The following ENTHD1 variants were observed in gnomAD, a reference collection of about 807,000 sequenced individuals.
ENTHD1 encodes the protein ENTH domain-containing protein 1.
ENTHD1 carries 23 observed loss-of-function variants against 39.1 expected under a neutral mutation model. The observed-to-expected ratio is 0.59, with a 90% CI of 0.42 to 0.83. ENTHD1 has a LOEUF of 0.83. ENTHD1 is among the 40% of genes least tolerant of loss of function. ENTHD1 has a pLI of 0.00. For synonymous variants in ENTHD1, 230 were observed against 258.2 expected (o/e 0.89, Z 1.05); for missense variants, 624 against 705.4 (o/e 0.88, Z 1.31).
At chr22:39,887,370 C>T in intron 2 of ENTHD1, 30 bp downstream of exon 2, 1 of 1,558,824 alleles carries the variant, frequency 6.4e-7, no homozygotes, top group Non-Finnish European at 8.7e-7. Flanking sequence ...ACCACCACAC[C>T]CAGCTTATAT....
intron 6 of ENTHD1, 88 bp from the exon 7 acceptor site, chr22:39,744,371 C>T: frequency 1.6e-6 from 2 of 1,231,932 alleles, no homozygotes; most frequent in Non-Finnish European, 2.2e-6. Flanking sequence ...AAAAGCCTAT[C>T]TGGAAGGGCT....
chr22:39,807,196 C>G (rs2065648977), intron 5 of ENTHD1, among the ~76,000 whole-genome samples: 2 of 152,094 alleles, frequency 1.3e-5, no homozygotes. Flanking sequence ...CCTTTCTTTA[C>G]AATGCATTCA....
intron 5 of ENTHD1, among the ~76,000 whole-genome samples, chr22:39,790,093 G>T (rs1324340681): frequency 6.6e-6 from 1 of 152,164 alleles, no homozygotes; most frequent in Non-Finnish European, 1.5e-5. Flanking sequence ...AGAAGGAGAA[G>T]GGGTGGGAGA....
At chr22:39,879,339 TGTA>T (rs1057489674) in intron 2 of ENTHD1, among the ~76,000 whole-genome samples, 29 of 151,336 alleles carry the variant, frequency 1.9e-4, no homozygotes, top group African/African-American at 7.0e-4. Context: ...GGTGGGTACC[TGTA>T]GTCCCAGCTA....
At chr22:39,766,612 C>T (rs912959702) in intron 5 of ENTHD1, among the ~76,000 whole-genome samples, 7 of 152,104 alleles carry the variant, frequency 4.6e-5, no homozygotes, top group Admixed American at 6.6e-5. Flanking sequence ...CAAAAGAGGA[C>T]GCAGAAATTG....
At chr22:39,845,140 G>A (rs553920790) in intron 3 of ENTHD1, among the ~76,000 whole-genome samples, 70 of 151,296 alleles carry the variant, frequency 4.6e-4, no homozygotes, top group African/African-American at 1.6e-3. Context: ...CAGATATGGC[G>A]GGAAGAGTCA....
At chr22:39,778,151 T>G (rs934521924) in intron 5 of ENTHD1, among the ~76,000 whole-genome samples, 3 of 152,184 alleles carry the variant, frequency 2.0e-5, no homozygotes, top group African/African-American at 7.2e-5. Flanking sequence ...AAACTCTATT[T>G]AGTCATGGTT....
intron 5 of ENTHD1, among the ~76,000 whole-genome samples, chr22:39,776,952 AGTG>A (rs1443091786): frequency 6.6e-6 from 1 of 152,196 alleles, no homozygotes; most frequent in African/African-American, 2.4e-5. Flanking sequence ...GAATCTTAGT[AGTG>A]GGGTTATATT....
At chr22:39,839,816 A>G (rs1239320955) in intron 3 of ENTHD1, among the ~76,000 whole-genome samples, 1 of 152,240 alleles carries the variant, frequency 6.6e-6, no homozygotes, top group African/African-American at 2.4e-5. Context: ...CAGATGGTCA[A>G]TTTTGAAGTA....
chr22:39,799,922 C>T (rs1249007407), intron 5 of ENTHD1, among the ~76,000 whole-genome samples: 1 of 152,160 alleles, frequency 6.6e-6, no homozygotes, highest in Non-Finnish European at 1.5e-5. Context: ...GATGCAGGGG[C>T]TGTTAGGTCC....
intron 1 of ENTHD1, among the ~76,000 whole-genome samples, chr22:39,888,238 A>T (rs1324822694): frequency 6.6e-6 from 1 of 150,692 alleles, no homozygotes; most frequent in African/African-American, 2.4e-5. Context: ...TTGCACTCTG[A>T]CATCTCTTTC....
At chr22:39,777,912 G>A (rs2065378432) in intron 5 of ENTHD1, among the ~76,000 whole-genome samples, 1 of 152,146 alleles carries the variant, frequency 6.6e-6, no homozygotes, top group Admixed American at 6.5e-5. Flanking sequence ...GAGTTTCAAC[G>A]GAGCCTGGTC....
At chr22:39,753,209 A>G (rs1053373736) in intron 6 of ENTHD1, among the ~76,000 whole-genome samples, 1 of 152,224 alleles carries the variant, frequency 6.6e-6, no homozygotes, top group Admixed American at 6.5e-5. Context: ...GTAGCTGAAC[A>G]TACTTACTAT....
intron 2 of ENTHD1, among the ~76,000 whole-genome samples, chr22:39,878,275 A>C (rs891109552): frequency 1.3e-5 from 2 of 152,228 alleles, no homozygotes; most frequent in African/African-American, 4.8e-5. Context: ...AGAAAAACCG[A>C]ATGACAACAA....
At chr22:39,815,115 A>G (rs1425669083) in intron 5 of ENTHD1, among the ~76,000 whole-genome samples, 1 of 152,212 alleles carries the variant, frequency 6.6e-6, no homozygotes, top group African/African-American at 2.4e-5. Context: ...AGTCACACCT[A>G]TGAAATGTGT....
Position 39,765,576 on chromosome 22 carries a change from GA to G in ENTHD1, c.865del (p.Ser289LeufsTer6). 6.2e-7 allele frequency: 1 copy of G among 1,613,130 alleles called. No individual in the cohort carries two copies. The highest frequency in any genetic ancestry group is 8.5e-7 in the Non-Finnish European group (1 of 1,179,650). On this transcript the variant is annotated frameshift_variant, in exon 6 of 7. Transcript: ENST00000325157. LOFTEE classifies it high-confidence loss of function. ...AVPTLSENSP[S>X]GQRDVSLDKR... ...GTCCAAACTCACATCTCTCTGCCCA[GA>G]AGGACTATTTTCTGAGAGAGTAGGC...
chr22:39,807,972 G>T (rs1484782413), intron 5 of ENTHD1, among the ~76,000 whole-genome samples: 1 of 151,824 alleles, frequency 6.6e-6, no homozygotes, highest in Non-Finnish European at 1.5e-5. Context: ...ACAGTCAAAA[G>T]GTTTGAAACA....
chr22:39,883,860 A>AC, intron 2 of ENTHD1, among the ~76,000 whole-genome samples: 1 of 150,804 alleles, frequency 6.6e-6, no homozygotes, highest in South Asian at 2.1e-4. Context: ...TCCCACAAAA[A>AC]AAAAAAAAAA....
chr22:39,811,981 AAAAAAC>A (rs1009199831), intron 5 of ENTHD1, among the ~76,000 whole-genome samples: 5 of 138,606 alleles, frequency 3.6e-5, no homozygotes, highest in Admixed American at 1.6e-4. Flanking sequence ...CCCATCTCAT[AAAAAAC>A]AAAAACAAAA....
Sources: gnomAD v4.1 joint callset for allele counts (sites outside exome capture counted in the v4.1 genomes callset) on GRCh38, gnomAD v4.1.1 for gene constraint, MANE v1.5 for transcripts, NCBI Gene and HGNC (gene_info 2026-07-23, HGNC 2026-07-21) for gene names.